Variants in CSMD3 observed in about 807,000 individuals in gnomAD.
CSMD3 encodes the protein CUB and Sushi multiple domains 3.
A neutral mutation model predicts 435.2 loss-of-function variants in CSMD3; 177 were observed. That is an observed-to-expected ratio of 0.41 (90% confidence interval 0.36 to 0.46). The LOEUF (loss-of-function observed/expected upper bound fraction) is 0.46, where lower values mean the gene tolerates loss of function less well. CSMD3 is among the 20% of genes least tolerant of loss of function. The pLI is 0.34. For synonymous variants in CSMD3, 1,656 were observed against 1,520.5 expected (o/e 1.09, Z -2.07); for missense variants, 4,265 against 4,504.6 (o/e 0.95, Z 1.52).
intron 20 of CSMD3, among the ~76,000 whole-genome samples, chr8:112,642,006 G>T (rs1361265346): frequency 2.0e-5 from 3 of 152,044 alleles, no homozygotes; most frequent in Non-Finnish European, 4.4e-5. Flanking sequence ...GGGAGAAAAA[G>T]TCAGTGGTTT....
At chr8:112,296,564 T>A (rs911900931) in intron 53 of CSMD3, among the ~76,000 whole-genome samples, 16 of 149,582 alleles carry the variant, frequency 1.1e-4, no homozygotes, top group South Asian at 2.1e-4. Context: ...AAAAAATAAA[T>A]AAATAAATAA....
At chr8:112,686,776 G>A (rs968385374) in intron 14 of CSMD3, among the ~76,000 whole-genome samples, 11 of 152,006 alleles carry the variant, frequency 7.2e-5, no homozygotes, top group African/African-American at 1.9e-4. Context: ...GTGAGCTACC[G>A]TGCCCGGCCT....
chr8:113,289,652 A>C (rs1450962050), intron 2 of CSMD3, among the ~76,000 whole-genome samples: 5 of 151,668 alleles, frequency 3.3e-5, no homozygotes, highest in African/African-American at 1.2e-4. Context: ...TTCCTCCCAT[A>C]AACCCTGCCA....
intron 8 of CSMD3, among the ~76,000 whole-genome samples, chr8:112,951,899 G>A (rs1292537307): frequency 6.7e-6 from 1 of 148,754 alleles, no homozygotes; most frequent in Non-Finnish European, 1.5e-5. Flanking sequence ...TAAAAGTATG[G>A]ATTTGAAGAA....
chr8:112,349,744 A>G (rs184422634), intron 40 of CSMD3, among the ~76,000 whole-genome samples: 10 of 152,302 alleles, frequency 6.6e-5, no homozygotes, highest in Non-Finnish European at 1.3e-4. Flanking sequence ...CCTTAAAAAA[A>G]TCATCCAATT....
intron 58 of CSMD3, among the ~76,000 whole-genome samples, chr8:112,284,021 A>G (rs1586649765): frequency 6.6e-6 from 1 of 150,866 alleles, no homozygotes; most frequent in Admixed American, 6.6e-5. Flanking sequence ...AATATGTAAA[A>G]TTATGTATCA....
intron 65 of CSMD3, among the ~76,000 whole-genome samples, chr8:112,243,231 A>G (rs1480581369): frequency 8.3e-6 from 1 of 120,082 alleles, no homozygotes; most frequent in East Asian, 2.4e-4. Flanking sequence ...AGCGATTTCA[A>G]TCATAAAAAA....
chr8:113,210,184 T>G (rs1477990578), intron 3 of CSMD3, among the ~76,000 whole-genome samples: 1 of 152,132 alleles, frequency 6.6e-6, no homozygotes, highest in Non-Finnish European at 1.5e-5. Flanking sequence ...TCTCTCTGAC[T>G]TTTGTAAATA....
At chr8:113,367,168 A>C (rs965092692) in intron 1 of CSMD3, among the ~76,000 whole-genome samples, 31 of 151,842 alleles carry the variant, frequency 2.0e-4, no homozygotes, top group African/African-American at 7.5e-4. Flanking sequence ...ACTATTATAA[A>C]ATATAATTAC....
At chr8:113,048,173 A>G (rs2087924111) in intron 5 of CSMD3, among the ~76,000 whole-genome samples, 1 of 149,578 alleles carries the variant, frequency 6.7e-6, no homozygotes, top group Non-Finnish European at 1.5e-5. Context: ...GCTCACTGCA[A>G]GCTCCGCCTC....
At chr8:113,226,254 G>A (rs1051402597) in intron 3 of CSMD3, among the ~76,000 whole-genome samples, 1 of 151,478 alleles carries the variant, frequency 6.6e-6, no homozygotes, top group Non-Finnish European at 1.5e-5. Context: ...ATAAGAAGGA[G>A]GAATGTGATG....
At chr8:112,393,774 A>G (rs558399785) in intron 35 of CSMD3, among the ~76,000 whole-genome samples, 76 of 152,274 alleles carry the variant, frequency 5.0e-4, no homozygotes, top group Admixed American at 1.9e-3. Context: ...TACTCAATCT[A>G]TGAATAATTA....
In CSMD3 at chr8:112,754,612, C is replaced by T. The variant is rs993809654; in HGVS notation, c.1972+45550G>A. Among the ~76,000 whole-genome samples, 2 of 152,240 alleles carry T rather than the reference C, an allele frequency of 1.3e-5. 1 individual carries two copies. Among genetic ancestry groups the T allele is most frequent in the Middle Eastern group, 6.8e-3 (2 of 294 alleles). ...AGAAAAGAGCAGGAAACGTGATGGT[C>T]AGGATGGGAAGTGACTTTAAGCATT... On this transcript the variant is annotated intron_variant, in intron 13 of 70. Transcript: ENST00000297405.
intron 1 of CSMD3, among the ~76,000 whole-genome samples, chr8:113,322,355 G>A (rs151279110): frequency 1.4e-4 from 22 of 152,192 alleles, no homozygotes; most frequent in African/African-American, 4.1e-4. Flanking sequence ...TGGGAGAGAT[G>A]GATAGAGATT....
intron 32 of CSMD3, among the ~76,000 whole-genome samples, chr8:112,469,649 T>C (rs577791508): frequency 1.5e-4 from 23 of 152,218 alleles, no homozygotes; most frequent in Admixed American, 1.4e-3. Context: ...TGCACTCCTA[T>C]GGGAATCTAA....
chr8:112,496,953 T>C (rs541572685), intron 30 of CSMD3, among the ~76,000 whole-genome samples: 2 of 152,252 alleles, frequency 1.3e-5, no homozygotes, highest in South Asian at 2.1e-4. Context: ...TAAAAGAGTA[T>C]AGTTTGATTG....
chr8:112,919,877 A>T (rs2082682915), intron 10 of CSMD3, among the ~76,000 whole-genome samples: 1 of 151,928 alleles, frequency 6.6e-6, no homozygotes, highest in Non-Finnish European at 1.5e-5. Context: ...GCTATAAAAA[A>T]GTGTGCCTTT....
intron 16 of CSMD3, among the ~76,000 whole-genome samples, chr8:112,674,526 A>G (rs2075729885): frequency 6.6e-6 from 1 of 152,040 alleles, no homozygotes; most frequent in Admixed American, 6.6e-5. Context: ...CCCATCCCTG[A>G]CGGCACACCC....
At position 113,142,867 on chromosome 8, in the gene CSMD3, T is replaced by A. The variant is rs1157878113; in HGVS notation, c.709+30855A>T. On this transcript the variant is annotated intron_variant, in intron 4 of 70. Transcript: ENST00000297405. Reference sequence around the variant, plus strand: ...CAAATTATCTTCTGAACTCCTTAAATATATATATATATATATATATACCTA... The same window carrying A: ...CAAATTATCTTCTGAACTCCTTAAAAATATATATATATATATATATACCTA... Among the ~76,000 whole-genome samples, 52 of 19,248 alleles carry A rather than the reference T, an allele frequency of 2.7e-3. No homozygotes were observed. In the East Asian group the frequency reaches 0.43, roughly 158 times the overall value. The allele number at this position is 19,248 out of a possible 152,430, so 12.6% of individuals were successfully genotyped here.
Sources: gnomAD v4.1 joint callset for allele counts (sites outside exome capture counted in the v4.1 genomes callset) on GRCh38, gnomAD v4.1.1 for gene constraint, MANE v1.5 for transcripts, NCBI Gene and HGNC (gene_info 2026-07-23, HGNC 2026-07-21) for gene names.